Variants in ZFYVE28 observed in about 807,000 individuals in gnomAD.
The protein encoded by ZFYVE28 is zinc finger FYVE-type containing 28.
In ZFYVE28, 40 loss-of-function variants were observed where a neutral mutation model predicts 82.1. The ratio of observed to expected loss-of-function variants is 0.49; its 90% confidence interval spans 0.38 to 0.63. ZFYVE28 has a LOEUF of 0.63. ZFYVE28 is among the 30% of genes least tolerant of loss of function. The pLI, the probability that ZFYVE28 is intolerant of heterozygous loss-of-function variation, is 0.00. For synonymous variants in ZFYVE28, 612 were observed against 546.1 expected (o/e 1.12, Z -1.68); for missense variants, 1,321 against 1,242.1 (o/e 1.06, Z -0.96).
chr4:2,415,256 A>G (rs1350132611), intron 1 of ZFYVE28, among the ~76,000 whole-genome samples: 1 of 152,200 alleles, frequency 6.6e-6, no homozygotes, highest in African/African-American at 2.4e-5. Context: ...ATTGCTTTTT[A>G]TAACTATAAG....
intron 1 of ZFYVE28, among the ~76,000 whole-genome samples, chr4:2,404,696 C>G (rs778017611): frequency 6.6e-6 from 1 of 152,020 alleles, no homozygotes; most frequent in African/African-American, 2.4e-5. Context: ...TGAAGAGTGA[C>G]TACATAATAG....
In ZFYVE28 at chr4:2,418,307, C is replaced by T. The variant is rs1192226805; in HGVS notation, c.17G>A (p.Arg6Gln). MMNRFRKWLYKPKRSD... is the reference protein window; with the variant it reads MMNRFQKWLYKPKRSD... Reference sequence around the variant, plus strand: ...CACCTTGGGTTTGTAGAGCCACTTTCGGAACCTGTTCATCATCGCCGCGCC... The same window carrying T: ...CACCTTGGGTTTGTAGAGCCACTTTTGGAACCTGTTCATCATCGCCGCGCC... Residue 6 changes from arginine to glutamine, a missense_variant, in exon 1 of 13, where the codon CGA becomes CAA. Coordinates refer to ENST00000290974, the MANE Select transcript of ZFYVE28 (RefSeq NM_020972.3). This position sits in a 1 kb window ranked among gnomAD's most constrained non-coding sequence, Gnocchi z 4.6. The T allele has an allele frequency of 6.5e-7, 1 of 1,533,502 alleles. No individual in the cohort carries two copies. Among genetic ancestry groups the T allele is most frequent in the Non-Finnish European group, 8.8e-7 (1 of 1,139,068 alleles). The allele number at this position is 1,533,502 out of a possible 1,614,324, so 95.0% of individuals were successfully genotyped here.
chr4:2,340,393 T>C (rs1291525958), intron 3 of ZFYVE28, among the ~76,000 whole-genome samples: 2 of 152,190 alleles, frequency 1.3e-5, no homozygotes, highest in Non-Finnish European at 2.9e-5. Flanking sequence ...CAGGCCCTGG[T>C]AGACCTGTTG....
intron 8 of ZFYVE28, among the ~76,000 whole-genome samples, chr4:2,290,406 A>T (rs1245396668): frequency 6.6e-6 from 1 of 152,174 alleles, no homozygotes; most frequent in African/African-American, 2.4e-5. Context: ...TGCAGGCCCC[A>T]AGGGCCACTT....
intron 2 of ZFYVE28, among the ~76,000 whole-genome samples, chr4:2,348,871 C>G (rs1723952769): frequency 6.6e-6 from 1 of 152,164 alleles, no homozygotes; most frequent in Non-Finnish European, 1.5e-5. Context: ...AGCTGGTTCT[C>G]TGATCCTCTT....
chr4:2,403,794 G>A (rs980535573), intron 1 of ZFYVE28, among the ~76,000 whole-genome samples: 4 of 151,862 alleles, frequency 2.6e-5, no homozygotes, highest in Admixed American at 6.6e-5. Context: ...GTGAAACCCC[G>A]TCTCTACTAA....
Position 2,271,712 on chromosome 4 carries a change from A to G in ZFYVE28, c.2391T>C (p.Ser797=). 6.2e-7 allele frequency: 1 copy of G among 1,613,932 alleles called. No individual in the cohort carries two copies. Among genetic ancestry groups the G allele is most frequent in the South Asian group, 1.1e-5 (1 of 91,084 alleles). ...CATCGCGGGTCTTGGCTGCCAGTTC[A>G]GAGGATGACAGGGTCTCCTGGCACA... ...CALCQETLSS[S]ELAAKTRDGD... The change falls in exon 11 of 13, where the codon TCT becomes TCC. Residue 797 remains serine (S), a synonymous_variant. Transcript: ENST00000290974.
At chr4:2,383,876 G>T (rs1415618351) in intron 1 of ZFYVE28, among the ~76,000 whole-genome samples, 1 of 152,166 alleles carries the variant, frequency 6.6e-6, no homozygotes, top group Admixed American at 6.5e-5. Context: ...CGCTCTCCAG[G>T]AGCCATCTCC....
Position 2,418,064 on chromosome 4 carries a change from G to T in ZFYVE28, c.39+221C>A, listed in dbSNP as rs1028060064. On this transcript the variant is annotated intron_variant, in intron 1 of 12. Transcript: ENST00000290974. The surrounding 1 kb of genome is among the most constrained non-coding windows in gnomAD (Gnocchi z 4.6). ...AGGAGGAGCAGGAGGGTCAGTCCTGGACCCGGGCTTAGGAAGCCGGGAGGG... is the reference window on the plus strand; with the variant it reads ...AGGAGGAGCAGGAGGGTCAGTCCTGTACCCGGGCTTAGGAAGCCGGGAGGG... 3.9e-5 allele frequency among the ~76,000 whole-genome samples: 6 copies of T among 152,102 alleles called. No homozygotes were observed. The highest frequency in any genetic ancestry group is 1.4e-4 in the African/African-American group (6 of 41,418).
intron 6 of ZFYVE28, chr4:2,328,638 T>G (rs1720229818): frequency 6.5e-6 from 1 of 152,896 alleles, no homozygotes; most frequent in African/African-American, 2.4e-5. Context: ...AACACAACTT[T>G]GCATGCTATA....
rs1560150353 is a variant in ZFYVE28, at chr4:2,293,771, ATC to A, written c.2051+10516_2051+10517del. On this transcript the variant is annotated intron_variant, in intron 8 of 12. Coordinates refer to ENST00000290974, the MANE Select transcript of ZFYVE28 (RefSeq NM_020972.3). ...CCATCTCAAAAAAAAAAAAAAAAAA[ATC>A]TTCTAGAAGATCTACAAAAATCAGT... 4.7e-5 allele frequency among the ~76,000 whole-genome samples: 7 copies of A among 149,944 alleles called. 1 individual carries two copies. The highest frequency in any genetic ancestry group is 5.9e-5 in the Non-Finnish European group (4 of 67,490).
intron 1 of ZFYVE28, among the ~76,000 whole-genome samples, chr4:2,388,575 C>T (rs1050795522): frequency 1.3e-5 from 2 of 152,192 alleles, no homozygotes; most frequent in East Asian, 3.9e-4. Flanking sequence ...GCCCATGTGA[C>T]GACTTTATTT....
intron 8 of ZFYVE28, among the ~76,000 whole-genome samples, chr4:2,292,616 AGAT>A (rs1208453956): frequency 1.3e-5 from 2 of 152,220 alleles, no homozygotes; most frequent in African/African-American, 2.4e-5. Context: ...TCACGGAATA[AGAT>A]GATAATTCAA....
chr4:2,363,001 T>C (rs1412639973), intron 1 of ZFYVE28, among the ~76,000 whole-genome samples: 3 of 145,450 alleles, frequency 2.1e-5, no homozygotes, highest in Non-Finnish European at 4.6e-5. Flanking sequence ...ACCATCCCCG[T>C]GGTCCCCTCA....
At position 2,418,167 on chromosome 4, in the gene ZFYVE28, G is replaced by T; in HGVS notation, c.39+118C>A. 1 of 908,526 alleles carries T rather than the reference G, an allele frequency of 1.1e-6. No individual in the cohort carries two copies. The highest frequency in any genetic ancestry group is 1.6e-6 in the Non-Finnish European group (1 of 641,502). The allele number at this position is 908,526 out of a possible 1,614,324, so 56.3% of individuals were successfully genotyped here. On this transcript the variant is annotated intron_variant, in intron 1 of 12. Transcript: ENST00000290974. The surrounding 1 kb of genome is among the most constrained non-coding windows in gnomAD (Gnocchi z 4.6). ...AGTGGAGGGAAGGATGTCGGCGGTG[G>T]GGGAAGAGGCCGGCCACGGACAGGG...
intron 1 of ZFYVE28, among the ~76,000 whole-genome samples, chr4:2,367,960 G>A (rs3135140): frequency 0.67 from 101,252 of 151,876 alleles, 34,107 homozygotes; most frequent in East Asian, 0.8. Flanking sequence ...CGTGCCAGTC[G>A]CGGCAGGTCT....
At chr4:2,381,003 A>G (rs1284951871) in intron 1 of ZFYVE28, among the ~76,000 whole-genome samples, 1 of 152,250 alleles carries the variant, frequency 6.6e-6, no homozygotes, top group African/African-American at 2.4e-5. Flanking sequence ...AGAGAATAAC[A>G]GGCAGAAGTT....
chr4:2,356,319 C>T (rs1725308921), intron 1 of ZFYVE28, among the ~76,000 whole-genome samples: 1 of 152,218 alleles, frequency 6.6e-6, no homozygotes, highest in African/African-American at 2.4e-5. Flanking sequence ...ACTCGCTCTC[C>T]GGCAGATGCT....
At chr4:2,370,011 C>T (rs1010566609) in intron 1 of ZFYVE28, among the ~76,000 whole-genome samples, 7 of 151,536 alleles carry the variant, frequency 4.6e-5, no homozygotes, top group African/African-American at 1.7e-4. Flanking sequence ...TCACCAAGCT[C>T]GACTAATTTT....
Sources: allele counts gnomAD v4.1 joint callset (sites outside exome capture counted in the v4.1 genomes callset), GRCh38; gene constraint gnomAD v4.1.1; non-coding constraint Gnocchi (gnomAD v3.1); transcripts MANE v1.5; gene names NCBI Gene and HGNC (gene_info 2026-07-23, HGNC 2026-07-21).